Variants in PMEPA1 observed in about 807,000 individuals in gnomAD.
PMEPA1 encodes the protein protein TMEPAI.
PMEPA1 carries 11 observed loss-of-function variants against 23.0 expected under a neutral mutation model. The observed-to-expected ratio is 0.48, with a 90% CI of 0.30 to 0.79. The LOEUF (loss-of-function observed/expected upper bound fraction) is 0.79, where lower values mean the gene tolerates loss of function less well. Among genes scored for constraint, PMEPA1 ranks in the 30% least tolerant of loss-of-function variants. PMEPA1 has a pLI of 0.06. For missense variants in PMEPA1, 377 were observed against 390.9 expected (o/e 0.96, Z 0.30); for synonymous variants, 204 against 166.4 (o/e 1.23, Z -1.74).
intron 1 of PMEPA1, among the ~76,000 whole-genome samples, chr20:57,666,985 G>C (rs1410955761): frequency 6.6e-6 from 1 of 152,232 alleles, no homozygotes; most frequent in Admixed American, 6.5e-5. Flanking sequence ...ACGATGGCAC[G>C]TGTGCGATAC....
chr20:57,700,821 A>T (rs1308747455), intron 1 of PMEPA1, among the ~76,000 whole-genome samples: 1 of 152,160 alleles, frequency 6.6e-6, no homozygotes, highest in Non-Finnish European at 1.5e-5. Context: ...GGAGGTCAGG[A>T]GTTTGAGACC....
At chr20:57,684,389 C>A (rs934175041) in intron 1 of PMEPA1, among the ~76,000 whole-genome samples, 10 of 152,130 alleles carry the variant, frequency 6.6e-5, no homozygotes, top group Admixed American at 3.3e-4. Context: ...GAACATGTAG[C>A]GGGCCTGGAA....
intron 1 of PMEPA1, among the ~76,000 whole-genome samples, chr20:57,663,532 C>T (rs1045407911): frequency 3.3e-5 from 5 of 152,204 alleles, no homozygotes; most frequent in Non-Finnish European, 5.9e-5. Context: ...TCCATCCTGG[C>T]TCCACCAGAA....
chr20:57,653,199 GC>G, intron 2 of PMEPA1, 113 bp from the exon 3 acceptor site: 1 of 869,370 alleles, frequency 1.2e-6, no homozygotes, highest in South Asian at 1.4e-5. Context: ...TCTTGAACCC[GC>G]CCACCTCTCT....
At position 57,649,016 on chromosome 20, in the gene PMEPA1, C is replaced by T. The variant is rs185843670; in HGVS notation, c.*3037G>A. On this transcript the variant is annotated 3_prime_UTR_variant, in exon 4 of 4. Coordinates refer to ENST00000341744, the MANE Select transcript of PMEPA1 (RefSeq NM_020182.5). ...ACAATTTGTGAAATCTGTGTAGAAC[C>T]GGGCTTTGCAGGGGAGATAATTTTC... 17 of 150,310 alleles carry T rather than the reference C, an allele frequency of 1.1e-4. No individual in the cohort carries two copies. In the East Asian group the frequency reaches 2.6e-3, roughly 23 times the overall value. The allele number at this position is 150,310 out of a possible 1,614,324, so 9.3% of individuals were successfully genotyped here. A position where few individuals can be genotyped will look rare whatever the true frequency, so the allele number is the denominator to read the frequency against.
chr20:57,654,738 C>T (rs1347646461), intron 2 of PMEPA1, among the ~76,000 whole-genome samples: 1 of 152,184 alleles, frequency 6.6e-6, no homozygotes, highest in Non-Finnish European at 1.5e-5. Context: ...CCAGGGCCTC[C>T]ATGTGCAGAC....
intron 2 of PMEPA1, among the ~76,000 whole-genome samples, chr20:57,657,959 C>T (rs942657324): frequency 2.0e-5 from 3 of 152,236 alleles, no homozygotes; most frequent in African/African-American, 7.2e-5. Context: ...CCAGCCTGCT[C>T]TTTAAACAGC....
At position 57,690,040 on chromosome 20, in the gene PMEPA1, C is replaced by T. The variant is rs891828942; in HGVS notation, c.109+19434G>A. On this transcript the variant is annotated intron_variant, in intron 1 of 3. Coordinates refer to ENST00000341744, the MANE Select transcript of PMEPA1 (RefSeq NM_020182.5). The stretch of plus-strand genomic sequence containing the variant: ...CGATGCACTCCTCACCTCAGCTCCA[C>T]GAGCTAGGAACTGTCGGTGTCACCC... Among the ~76,000 whole-genome samples, 7 of 152,376 alleles carry T rather than the reference C, an allele frequency of 4.6e-5. No individual in the cohort carries two copies. In the East Asian group the frequency reaches 7.7e-4, roughly 17 times the overall value.
chr20:57,703,750 C>T (rs1357045213), intron 1 of PMEPA1, among the ~76,000 whole-genome samples: 1 of 152,210 alleles, frequency 6.6e-6, no homozygotes, highest in Non-Finnish European at 1.5e-5. Flanking sequence ...AAGGCCTTCT[C>T]ATCACTAGGC....
At chr20:57,709,298 G>A (rs1408532146) in intron 1 of PMEPA1, among the ~76,000 whole-genome samples, 176 bp downstream of exon 1, 2 of 146,600 alleles carry the variant, frequency 1.4e-5, no homozygotes, top group African/African-American at 4.9e-5. Context: ...AAGCCGGGCC[G>A]GCCGCCAGCT....
Position 57,709,607 on chromosome 20 carries a change from G to A in PMEPA1, c.-25C>T. 1.0e-6 allele frequency: 1 copy of A among 992,174 alleles called. No homozygotes were observed. Among genetic ancestry groups the A allele is most frequent in the East Asian group, 1.2e-4 (1 of 8,624 alleles). The allele number at this position is 992,174 out of a possible 1,614,324, so 61.5% of individuals were successfully genotyped here. On this transcript the variant is annotated 5_prime_UTR_variant, in exon 1 of 4. Transcript: ENST00000341744. ...TGGACGGCGCGGCGGCGCGGCGCGG[G>A]GCGCGGGGGGCTCGGGGGCGGCCGG...
chr20:57,669,145 T>TTATG (rs2071533286), intron 1 of PMEPA1, among the ~76,000 whole-genome samples: 1 of 121,130 alleles, frequency 8.3e-6, no homozygotes, highest in African/African-American at 4.5e-5. Flanking sequence ...AAAAGCACAT[T>TTATG]TATTTATTTA....
chr20:57,707,404 TC>T (rs1032704082), intron 1 of PMEPA1, among the ~76,000 whole-genome samples: 1 of 152,178 alleles, frequency 6.6e-6, no homozygotes, highest in Non-Finnish European at 1.5e-5. Flanking sequence ...GCAGCTTTCT[TC>T]CAATAAGTAG....
At chr20:57,690,887 T>A (rs762796280) in intron 1 of PMEPA1, among the ~76,000 whole-genome samples, 7 of 152,058 alleles carry the variant, frequency 4.6e-5, no homozygotes, top group Non-Finnish European at 1.0e-4. Flanking sequence ...CCATTTCAGC[T>A]CACATCCGAG....
chr20:57,672,119 T>C (rs2071576926), intron 1 of PMEPA1, among the ~76,000 whole-genome samples: 1 of 152,280 alleles, frequency 6.6e-6, no homozygotes, highest in Admixed American at 6.5e-5. Flanking sequence ...TTTGTATTCG[T>C]AAATTGTTTG....
chr20:57,677,911 C>A (rs769228229), intron 1 of PMEPA1, among the ~76,000 whole-genome samples: 2 of 152,202 alleles, frequency 1.3e-5, no homozygotes, highest in Non-Finnish European at 2.9e-5. Context: ...GTGGAGACAT[C>A]TTCAGAGAAT....
rs978963004 is a variant in PMEPA1 at position 57,709,984 on chromosome 20, G to T, written c.-402C>A. ...CCAAGGAGATCGGGTTTCGCTCCGA[G>T]ACCGCGGTCGGAGGCAGGCAGACGG... On this transcript the variant is annotated 5_prime_UTR_variant, in exon 1 of 4. Coordinates refer to ENST00000341744, the MANE Select transcript of PMEPA1 (RefSeq NM_020182.5). 32 of 991,686 alleles carry T rather than the reference G, an allele frequency of 3.2e-5. No homozygotes were observed. In the African/African-American group the frequency reaches 5.2e-4, roughly 16 times the overall value. The allele number at this position is 991,686 out of a possible 1,614,324, so 61.4% of individuals were successfully genotyped here. A position where few individuals can be genotyped will look rare whatever the true frequency, so the allele number is the denominator to read the frequency against.
rs2072048863 is a variant in PMEPA1 at position 57,704,356 on chromosome 20, C to T, written c.109+5118G>A. On this transcript the variant is annotated intron_variant, in intron 1 of 3. Transcript: ENST00000341744. This position sits in a 1 kb window ranked among gnomAD's most constrained non-coding sequence, Gnocchi z 4.6. ...GGGGAGCCCCTGGCACAGCATGGTA[C>T]CATCCTTGTCACTCCAGAGGGTGCA... Among the ~76,000 whole-genome samples, 1 of 152,184 alleles carries T rather than the reference C, an allele frequency of 6.6e-6. No homozygotes were observed. The highest frequency in any genetic ancestry group is 1.5e-5 in the Non-Finnish European group (1 of 68,022).
intron 1 of PMEPA1, among the ~76,000 whole-genome samples, chr20:57,670,449 C>T (rs2071552695): frequency 6.6e-6 from 1 of 152,208 alleles, no homozygotes; most frequent in African/African-American, 2.4e-5. Flanking sequence ...CTTCACCTGG[C>T]TGACTCACCA....
Sources: gnomAD v4.1 joint callset for allele counts (sites outside exome capture counted in the v4.1 genomes callset) on GRCh38, gnomAD v4.1.1 for gene constraint, Gnocchi (gnomAD v3.1) non-coding constraint, MANE v1.5 for transcripts, NCBI Gene and HGNC (gene_info 2026-07-23, HGNC 2026-07-21) for gene names.